TMEM243: variants seen among roughly 807,000 people sequenced by gnomAD.
TMEM243 encodes the protein MDR1 and mitochondrial taxol resistance associated.
Under a neutral mutation model 15.0 loss-of-function variants are expected in TMEM243, and 20 were observed. The observed-to-expected ratio is 1.33, with a 90% CI of 0.94 to 1.93. The LOEUF is 1.93. Ranked by LOEUF, TMEM243 falls within the 30% of genes most tolerant of loss-of-function variation. The pLI is 0.00. For missense variants in TMEM243, 156 were observed against 142.1 expected (o/e 1.10, Z -0.50); for synonymous variants, 72 against 52.7 (o/e 1.37, Z -1.59).
At chr7:87,219,368 A>T in intron 1 of TMEM243, 58 bp downstream of exon 1, 7 of 1,557,570 alleles carry the variant, frequency 4.5e-6, no homozygotes, top group Non-Finnish European at 6.2e-6. Flanking sequence ...GGACTCCGCC[A>T]GAGGGCAGGC....
intron 3 of TMEM243, chr7:87,197,713 TTTTA>T (rs879146871): frequency 0.061 from 37,982 of 622,568 alleles, 5,636 homozygotes; most frequent in African/African-American, 0.13. Flanking sequence ...TTTTTTTTTT[TTTTA>T]AGCTATCAAG....
intron 1 of TMEM243, among the ~76,000 whole-genome samples, chr7:87,213,376 GAATGA>G (rs1192738502): frequency 6.6e-6 from 1 of 152,236 alleles, no homozygotes; most frequent in African/African-American, 2.4e-5. Flanking sequence ...TTGGCAGGCT[GAATGA>G]GAGGAGAGGA....
chr7:87,209,040 GC>G (rs1317989246), intron 1 of TMEM243, among the ~76,000 whole-genome samples: 1 of 152,196 alleles, frequency 6.6e-6, no homozygotes, highest in Non-Finnish European at 1.5e-5. Flanking sequence ...TATTTCCATG[GC>G]CTCTTATTTT....
At chr7:87,200,313 A>C (rs961059853) in intron 1 of TMEM243, among the ~76,000 whole-genome samples, 8 of 152,178 alleles carry the variant, frequency 5.3e-5, no homozygotes, top group Admixed American at 3.9e-4. Flanking sequence ...TCAGCTAGAG[A>C]AGCCTACACA....
At chr7:87,219,328 G>T in intron 1 of TMEM243, 98 bp downstream of exon 1, 1 of 1,152,060 alleles carries the variant, frequency 8.7e-7, no homozygotes, top group Non-Finnish European at 1.3e-6. Flanking sequence ...CCCTAAAAGT[G>T]CTTTTAGGAG....
rs1584536371 is a variant in TMEM243, at chr7:87,208,594, C to T, written c.79-9537G>A. ...CCTTGCTCTGAAGTCTTTAAGCTAT[C>T]CTAACTACAAATGTCAGTTTACTCC... On this transcript the variant is annotated intron_variant, in intron 1 of 3. Coordinates refer to ENST00000257637, the MANE Select transcript of TMEM243 (RefSeq NM_024315.4). 2.0e-5 allele frequency among the ~76,000 whole-genome samples: 3 copies of T among 152,346 alleles called. No individual in the cohort carries two copies. In the South Asian group the frequency reaches 6.2e-4, roughly 32 times the overall value.
intron 1 of TMEM243, among the ~76,000 whole-genome samples, chr7:87,202,557 A>G (rs1015144786): frequency 6.6e-6 from 1 of 152,204 alleles, no homozygotes; most frequent in Non-Finnish European, 1.5e-5. Context: ...GGTGGAAAGC[A>G]AGTAAGGAGT....
rs553607397 is a variant in TMEM243 at position 87,211,028 on chromosome 7, A to C, written c.78+8398T>G. 2.0e-5 allele frequency among the ~76,000 whole-genome samples: 3 copies of C among 152,364 alleles called. No individual in the cohort carries two copies. The East Asian group carries it at 5.8e-4, about 29-fold the overall frequency. On this transcript the variant is annotated intron_variant, in intron 1 of 3. Coordinates refer to ENST00000257637, the MANE Select transcript of TMEM243 (RefSeq NM_024315.4). ...GCTGTGACACAGGGCACTGGAGTCCAGGACCTGATCCACAAAACCATTTTT... is the reference window on the plus strand; with the variant it reads ...GCTGTGACACAGGGCACTGGAGTCCCGGACCTGATCCACAAAACCATTTTT...
intron 1 of TMEM243, chr7:87,218,526 T>TA (rs1803266744): frequency 6.6e-6 from 1 of 152,028 alleles, no homozygotes; most frequent in African/African-American, 2.4e-5. Context: ...CTCTGGACTC[T>TA]ACACGTGCAT....
chr7:87,199,355 GAGGATAGCA>G, intron 1 of TMEM243: 2 of 317,588 alleles, frequency 6.3e-6, no homozygotes, highest in Non-Finnish European at 1.2e-5. Flanking sequence ...ATGTGCTGCT[GAGGATAGCA>G]TAAGCCAAAG....
chr7:87,219,554 C>G lies in TMEM243; in HGVS notation c.-51G>C. The G allele has an allele frequency of 5.8e-6, 9 of 1,541,890 alleles. No homozygotes were observed. Among genetic ancestry groups the G allele is most frequent in the Non-Finnish European group, 6.3e-6 (7 of 1,116,356 alleles). On this transcript the variant is annotated 5_prime_UTR_variant, in exon 1 of 4. Transcript: ENST00000257637. ...GCCACTTAAAAGCAAGACAGCATGA[C>G]CTCCCGAGGTCTCAGGTCCACGACT...
chr7:87,208,573 G>T (rs533320150), intron 1 of TMEM243, among the ~76,000 whole-genome samples: 4 of 152,332 alleles, frequency 2.6e-5, no homozygotes, highest in Admixed American at 6.5e-5. Flanking sequence ...AATAGGCCTT[G>T]CTCTGAAGTC....
upstream of TMEM243, chr7:87,219,787 A>T (rs1484319545): frequency 2.2e-6 from 1 of 454,666 alleles, no homozygotes; most frequent in Non-Finnish European, 3.9e-6. Flanking sequence ...CCGCCCGGGC[A>T]GCTCCCACTT....
intron 1 of TMEM243, among the ~76,000 whole-genome samples, chr7:87,211,227 T>A (rs2129235174): frequency 6.6e-6 from 1 of 152,294 alleles, no homozygotes; most frequent in African/African-American, 2.4e-5. Flanking sequence ...GAACAATACC[T>A]CCAGGCACTT....
chr7:87,197,401 C>T (rs969023320), intron 3 of TMEM243, among the ~76,000 whole-genome samples: 2 of 152,074 alleles, frequency 1.3e-5, no homozygotes, highest in African/African-American at 2.4e-5. Context: ...GGAGCCACCA[C>T]CATCTTTGTT....
At chr7:87,204,648 A>T (rs1471263572) in intron 1 of TMEM243, among the ~76,000 whole-genome samples, 1 of 152,252 alleles carries the variant, frequency 6.6e-6, no homozygotes, top group African/African-American at 2.4e-5. Context: ...ATGCTGATGC[A>T]AGAGGTAGGT....
At chr7:87,216,999 CA>C (rs1355708338) in intron 1 of TMEM243, 3 of 152,188 alleles carry the variant, frequency 2.0e-5, no homozygotes, top group Non-Finnish European at 4.4e-5. Flanking sequence ...GATGATCAAA[CA>C]AGGGAAAGCT....
intron 1 of TMEM243, among the ~76,000 whole-genome samples, chr7:87,207,468 C>T (rs1426006829): frequency 2.5e-5 from 1 of 39,998 alleles, no homozygotes; most frequent in East Asian, 3.6e-4. Flanking sequence ...TGGTGGCGGG[C>T]GCCTGTAGTC....
At chr7:87,205,063 G>T (rs1157969550) in intron 1 of TMEM243, among the ~76,000 whole-genome samples, 1 of 152,224 alleles carries the variant, frequency 6.6e-6, no homozygotes, top group Non-Finnish European at 1.5e-5. Context: ...GTGCAGCTCT[G>T]AAGTCATGCC....
Sources: gnomAD v4.1 joint callset for allele counts (sites outside exome capture counted in the v4.1 genomes callset) on GRCh38, gnomAD v4.1.1 for gene constraint, MANE v1.5 for transcripts, NCBI Gene and HGNC (gene_info 2026-07-23, HGNC 2026-07-21) for gene names.